AKT3: variants seen among roughly 807,000 people sequenced by gnomAD.
The protein encoded by AKT3 is AKT serine/threonine kinase 3.
Under a neutral mutation model 65.3 loss-of-function variants are expected in AKT3, and 15 were observed. The ratio of observed to expected loss-of-function variants is 0.23; its 90% CI spans 0.15 to 0.35. AKT3 has a LOEUF of 0.35. AKT3 is among the 10% of genes least tolerant of loss of function. The pLI is 1.00. For synonymous variants in AKT3, 206 were observed against 183.8 expected (o/e 1.12, Z -0.98); for missense variants, 243 against 576.5 (o/e 0.42, Z 5.92).
chr1:243,804,372 G>A (rs12744253), intron 2 of AKT3, among the ~76,000 whole-genome samples: 76,605 of 151,916 alleles, frequency 0.5, 23,405 homozygotes, highest in Non-Finnish European at 0.68. Context: ...CCTAAATAAG[G>A]TTATTCTAAA....
chr1:243,645,950 T>C lies in AKT3; in HGVS notation c.372A>G (p.Gln124=). ...TCTCTTCCTCTCCTATATTATCAAT[T>C]TGTGAAGTTGGACTACAATTCATTC... is the stretch of plus-strand genomic sequence containing the variant. ...EERMNCSPTS[Q]IDNIGEEEMD... Residue 124 remains glutamine, a synonymous_variant, in exon 5 of 14, where the codon CAA becomes CAG. Transcript: ENST00000673466. 1 of 1,612,682 alleles carries C rather than the reference T, an allele frequency of 6.2e-7. No individual in the cohort carries two copies. Among genetic ancestry groups the C allele is most frequent in the South Asian group, 1.1e-5 (1 of 90,984 alleles).
chr1:243,649,954 G>T (rs1452212389), intron 4 of AKT3, among the ~76,000 whole-genome samples: 1 of 152,142 alleles, frequency 6.6e-6, no homozygotes, highest in Non-Finnish European at 1.5e-5. Flanking sequence ...AGGTCAAATG[G>T]TATTTCTAGT....
chr1:243,510,618 C>G (rs1270948737), intron 13 of AKT3, among the ~76,000 whole-genome samples: 1 of 152,096 alleles, frequency 6.6e-6, no homozygotes, highest in Non-Finnish European at 1.5e-5. Context: ...AAATACTGTC[C>G]CCAGAGCCCG....
At chr1:243,758,770 C>T (rs530334059) in intron 2 of AKT3, among the ~76,000 whole-genome samples, 2 of 152,300 alleles carry the variant, frequency 1.3e-5, no homozygotes, top group African/African-American at 4.8e-5. Context: ...AATCTAACCT[C>T]GCATCTGATC....
In AKT3 at chr1:243,502,415, C is replaced by T. The variant is rs2148339532; in HGVS notation, c.*2834G>A. 4.3e-6 allele frequency: 1 copy of T among 233,214 alleles called. No individual in the cohort carries two copies. The highest frequency in any genetic ancestry group is 6.0e-5 in the East Asian group (1 of 16,580). 14.4% of individuals were successfully genotyped at this position (233,214 alleles called of 1,614,324 possible). A position where few individuals can be genotyped will look rare whatever the true frequency, so the allele number is the denominator to read the frequency against. ...AGCTGAGCGCGACCCTGCCAACCAT[C>T]TAAGCAGAAATGGCCAATTTCCTCC... is the stretch of plus-strand genomic sequence containing the variant. On this transcript the variant is annotated 3_prime_UTR_variant, in exon 14 of 14. Transcript: ENST00000673466.
chr1:243,849,180 G>T (rs1047952315), intron 1 of AKT3, among the ~76,000 whole-genome samples: 3 of 152,244 alleles, frequency 2.0e-5, no homozygotes, highest in Admixed American at 1.3e-4. Flanking sequence ...GCGGACCGAT[G>T]CGCCGGAGGA....
chr1:243,568,152 C>G (rs1674305904), intron 9 of AKT3, among the ~76,000 whole-genome samples: 1 of 152,154 alleles, frequency 6.6e-6, no homozygotes, highest in Admixed American at 6.6e-5. Context: ...TTTCCTTCTT[C>G]CCTTTGTTAG....
intron 2 of AKT3, 30 bp from the exon 3 acceptor site, chr1:243,695,746 T>C: frequency 6.5e-7 from 1 of 1,549,726 alleles, no homozygotes; most frequent in Non-Finnish European, 8.7e-7. Context: ...ATGTTAATGC[T>C]GAAAAAAATG....
At chr1:243,516,706 T>G (rs563773283) in intron 12 of AKT3, among the ~76,000 whole-genome samples, 4 of 150,470 alleles carry the variant, frequency 2.7e-5, no homozygotes, top group Admixed American at 6.6e-5. Context: ...TCAGCCTCCT[T>G]GAGCAATCCT....
At chr1:243,633,326 T>C (rs1360954786) in intron 6 of AKT3, among the ~76,000 whole-genome samples, 1 of 152,142 alleles carries the variant, frequency 6.6e-6, no homozygotes, top group Non-Finnish European at 1.5e-5. Context: ...GAATTAAAGA[T>C]CTGGTAAAGC....
intron 2 of AKT3, among the ~76,000 whole-genome samples, chr1:243,798,735 C>T (rs1393221993): frequency 6.6e-6 from 1 of 152,170 alleles, no homozygotes; most frequent in Non-Finnish European, 1.5e-5. Flanking sequence ...CTCTATTCCT[C>T]TCCACAACAT....
At chr1:243,804,088 G>A (rs1313570427) in intron 2 of AKT3, among the ~76,000 whole-genome samples, 1 of 152,196 alleles carries the variant, frequency 6.6e-6, no homozygotes, top group Non-Finnish European at 1.5e-5. Flanking sequence ...ACGCATGCCT[G>A]AGATCAGTCC....
At chr1:243,543,889 A>G (rs1056440106) in intron 12 of AKT3, among the ~76,000 whole-genome samples, 1 of 152,212 alleles carries the variant, frequency 6.6e-6, no homozygotes, top group Non-Finnish European at 1.5e-5. Context: ...TACAAGAAAC[A>G]GAAAATCACC....
intron 10 of AKT3, among the ~76,000 whole-genome samples, chr1:243,559,932 A>G (rs981262768): frequency 1.3e-5 from 2 of 152,110 alleles, no homozygotes; most frequent in South Asian, 4.1e-4. Context: ...TCTGAGGTAA[A>G]AGGAAGAGGC....
chr1:243,686,665 T>A (rs1289816809), intron 3 of AKT3, among the ~76,000 whole-genome samples: 25 of 44,298 alleles, frequency 5.6e-4, no homozygotes, highest in African/African-American at 8.4e-4. Context: ...TTTTTTTTTT[T>A]TTTTTTTTTT....
At chr1:243,618,877 G>A (rs1345086318) in intron 6 of AKT3, among the ~76,000 whole-genome samples, 1 of 105,206 alleles carries the variant, frequency 9.5e-6, no homozygotes, top group Non-Finnish European at 2.6e-5. Context: ...TGTAGGAGAG[G>A]GCAAACAAGA....
At chr1:243,637,295 G>A (rs112098877) in intron 6 of AKT3, among the ~76,000 whole-genome samples, 46 of 152,058 alleles carry the variant, frequency 3.0e-4, no homozygotes, top group African/African-American at 9.6e-4. Flanking sequence ...AATTCAGAAC[G>A]ATAGGAGAAA....
chr1:243,628,747 T>C (rs1293415576), intron 6 of AKT3, among the ~76,000 whole-genome samples: 1 of 152,164 alleles, frequency 6.6e-6, no homozygotes, highest in Non-Finnish European at 1.5e-5. Flanking sequence ...ATGATAGCAG[T>C]TCAAAGGTAA....
At chr1:243,632,255 G>A (rs1679661088) in intron 6 of AKT3, among the ~76,000 whole-genome samples, 1 of 152,188 alleles carries the variant, frequency 6.6e-6, no homozygotes, top group Non-Finnish European at 1.5e-5. Context: ...ATGGGCTGCA[G>A]AATGGACGTT....
Sources: gnomAD v4.1 joint callset for allele counts (sites outside exome capture counted in the v4.1 genomes callset) on GRCh38, gnomAD v4.1.1 for gene constraint, MANE v1.5 for transcripts, NCBI Gene and HGNC (gene_info 2026-07-23, HGNC 2026-07-21) for gene names.